Variants in NOC3L observed in about 807,000 individuals in gnomAD.
NOC3L encodes the protein nucleolar complex protein 3 homolog.
Under a neutral mutation model 102.5 loss-of-function variants are expected in NOC3L, and 85 were observed. The observed-to-expected ratio is 0.83, with a 90% CI of 0.70 to 0.99. NOC3L has a LOEUF of 0.99. Ranked by LOEUF, NOC3L falls within the 50% of genes least tolerant of loss-of-function variation. The pLI is 0.00. For synonymous variants in NOC3L, 303 were observed against 309.4 expected (o/e 0.98, Z 0.22); for missense variants, 878 against 914.9 (o/e 0.96, Z 0.52).
Position 94,339,930 on chromosome 10 carries a change from C to A in NOC3L, c.1781-10G>T, listed in dbSNP as rs191382004. On this transcript the variant is annotated splice_polypyrimidine_tract_variant and intron_variant, in intron 16 of 20. Coordinates refer to ENST00000371361, the MANE Select transcript of NOC3L (RefSeq NM_022451.11). ...CCTTCATTGGTAGCACCTAAAACAG[C>A]AGACATATTCTTCAGAGCTGTTCTC... 2.5e-6 allele frequency: 4 copies of A among 1,609,282 alleles called. No homozygotes were observed. In the East Asian group the frequency reaches 8.9e-5, roughly 36 times the overall value.
rs1368371608 is a variant in NOC3L, at chr10:94,352,927, C to T, written c.827G>A (p.Arg276Gln). Reference protein sequence around the residue: ...FKDITPSYKIRPLTEAEKSTK... With the variant: ...FKDITPSYKIQPLTEAEKSTK... ...AGATTTTTCTGCTTCTGTGAGGGGC[C>T]GGATTTTATATGAAGGAGTAATATC... is the stretch of plus-strand genomic sequence containing the variant. Residue 276 changes from arginine (R) to glutamine (Q), a missense_variant, in exon 7 of 21, where the codon CGG becomes CAG. Transcript: ENST00000371361. 6.2e-7 allele frequency: 1 copy of T among 1,613,302 alleles called. No homozygotes were observed.
intron 8 of NOC3L, 47 bp downstream of exon 8, chr10:94,352,263 G>T: frequency 1.6e-6 from 2 of 1,285,634 alleles, no homozygotes; most frequent in South Asian, 1.2e-5. Flanking sequence ...TCACCTTCAT[G>T]ATCAAGGCTA....
chr10:94,355,391 CTTT>C (rs200203754), intron 5 of NOC3L, among the ~76,000 whole-genome samples: 10 of 139,592 alleles, frequency 7.2e-5, no homozygotes, highest in East Asian at 2.1e-4. Context: ...GATTCTAGAA[CTTT>C]TTTTTTTTTT....
At chr10:94,348,362 G>T (rs1424463306) in intron 10 of NOC3L, among the ~76,000 whole-genome samples, 1 of 151,622 alleles carries the variant, frequency 6.6e-6, no homozygotes, top group Non-Finnish European at 1.5e-5. Context: ...GAATTAAAAG[G>T]CAAAGTAAAA....
At chr10:94,325,432 C>T in the NOC3L span, 2 of 273,866 alleles carry the variant, frequency 7.3e-6, no homozygotes, top group Non-Finnish European at 1.4e-5. Flanking sequence ...CCCGTCTCTA[C>T]TAAAAATACA....
the NOC3L span, among the ~76,000 whole-genome samples, chr10:94,315,798 T>C: frequency 6.8e-6 from 1 of 147,944 alleles, no homozygotes; most frequent in Non-Finnish European, 1.5e-5. Flanking sequence ...AAAGTAACTA[T>C]AATGGCTCAT....
chr10:94,334,376 T>G, intron 20 of NOC3L, 71 bp from the exon 21 acceptor site: 2 of 978,762 alleles, frequency 2.0e-6, no homozygotes, highest in Non-Finnish European at 3.1e-6. Flanking sequence ...GTGAACCAAG[T>G]TGAAAATGGC....
In NOC3L at chr10:94,356,585, T is replaced by C; in HGVS notation, c.515A>G (p.Asp172Gly). Residue 172 changes from aspartate (D) to glycine (G), a missense_variant, in exon 5 of 21, where the codon GAT (aspartate) becomes GGT (glycine). By Grantham distance (94) the Asp-to-Gly change is moderately conservative (BLOSUM62 -1). Coordinates refer to ENST00000371361, the MANE Select transcript of NOC3L (RefSeq NM_022451.11). Reference protein sequence around the residue: ...IPQTREKPVTDSNKDEEDQEE... With the variant: ...IPQTREKPVTGSNKDEEDQEE... The stretch of plus-strand genomic sequence containing the variant: ...TTGATCCTCTTCATCTTTGTTACTA[T>C]CAGTAACTATATGGAAAACATATGT... 6.5e-7 allele frequency: 1 copy of C among 1,548,866 alleles called. No homozygotes were observed.
intron 10 of NOC3L, 121 bp downstream of exon 10, chr10:94,349,129 C>G: frequency 9.4e-7 from 1 of 1,058,446 alleles, no homozygotes; most frequent in Non-Finnish European, 1.3e-6. Context: ...ACATGTTAAA[C>G]ACTTAAGGAG....
chr10:94,329,328 A>ATCTT (rs1369861355), downstream of NOC3L: 1 of 152,212 alleles, frequency 6.6e-6, no homozygotes, highest in Non-Finnish European at 1.5e-5. Flanking sequence ...CCAAACTTTT[A>ATCTT]TCTTTCCATT....
chr10:94,317,037 G>A, the NOC3L span, among the ~76,000 whole-genome samples: 1 of 152,086 alleles, frequency 6.6e-6, no homozygotes, highest in Non-Finnish European at 1.5e-5. Flanking sequence ...GATCACTTGA[G>A]GTCAGGAGTT....
chr10:94,323,011 C>T, the NOC3L span, among the ~76,000 whole-genome samples: 3 of 152,164 alleles, frequency 2.0e-5, no homozygotes, highest in Non-Finnish European at 2.9e-5. Context: ...TTCATTCCTT[C>T]AACAGACACT....
At chr10:94,340,905 C>T (rs1326834642) in intron 14 of NOC3L, among the ~76,000 whole-genome samples, 6 of 150,248 alleles carry the variant, frequency 4.0e-5, no homozygotes, top group Non-Finnish European at 8.9e-5. Context: ...GGTGTGAACC[C>T]GGGAGGCGGA....
chr10:94,329,205 T>C (rs2054127889), downstream of NOC3L: 1 of 152,234 alleles, frequency 6.6e-6, no homozygotes. Context: ...CCATTTAATG[T>C]AAATTATTTT....
chr10:94,337,693 G>C (rs1589564323), intron 19 of NOC3L, 84 bp downstream of exon 19: 1 of 870,708 alleles, frequency 1.1e-6, no homozygotes, highest in Non-Finnish European at 1.9e-6. Context: ...TTTGTAGTAT[G>C]TTACTTTATG....
intron 6 of NOC3L, among the ~76,000 whole-genome samples, chr10:94,354,539 T>C (rs2054459954): frequency 6.6e-6 from 1 of 152,204 alleles, no homozygotes; most frequent in African/African-American, 2.4e-5. Context: ...TTGGCTCTAG[T>C]TCACTTAAAA....
intron 10 of NOC3L, among the ~76,000 whole-genome samples, chr10:94,348,270 T>C (rs2054370030): frequency 6.6e-6 from 1 of 151,342 alleles, no homozygotes. Context: ...AAATTAAAAA[T>C]CTCGGAGAGA....
chr10:94,337,745 T>C, intron 19 of NOC3L, 32 bp downstream of exon 19: 2 of 1,428,618 alleles, frequency 1.4e-6, no homozygotes, highest in South Asian at 1.2e-5. Context: ...CTCAATTCTG[T>C]AGTTTTAGAA....
At chr10:94,361,913 ATTT>A (rs2054556158) in intron 1 of NOC3L, 41 bp from the exon 2 acceptor site, 1 of 1,415,860 alleles carries the variant, frequency 7.1e-7, no homozygotes, top group Non-Finnish European at 9.8e-7. Context: ...CCAGAAACTT[ATTT>A]TTTAAATCAG....
Sources: allele counts gnomAD v4.1 joint callset (sites outside exome capture counted in the v4.1 genomes callset), GRCh38; gene constraint gnomAD v4.1.1; transcripts MANE v1.5; gene names NCBI Gene and HGNC (gene_info 2026-07-23, HGNC 2026-07-21).